TTC28: variants seen among roughly 807,000 people sequenced by gnomAD.
The protein encoded by TTC28 is tetratricopeptide repeat domain 28.
In TTC28, 61 loss-of-function variants were observed where a neutral mutation model predicts 198.0. The observed-to-expected ratio is 0.31, with a 90% CI of 0.25 to 0.38. The LOEUF (loss-of-function observed/expected upper bound fraction) is 0.38, where lower values mean the gene tolerates loss of function less well. Ranked by LOEUF, TTC28 falls within the 10% of genes least tolerant of loss-of-function variation. TTC28 has a pLI of 1.00. For missense variants in TTC28, 2,678 were observed against 3,164.0 expected (o/e 0.85, Z 3.69); for synonymous variants, 1,171 against 1,297.8 (o/e 0.90, Z 2.10).
At chr22:28,524,003 A>C (rs1384284151) in intron 2 of TTC28, among the ~76,000 whole-genome samples, 1 of 151,966 alleles carries the variant, frequency 6.6e-6, no homozygotes, top group Non-Finnish European at 1.5e-5. Flanking sequence ...CTTAAAACTT[A>C]CATGAAGGCA....
chr22:28,243,786 G>A (rs1198354599), intron 5 of TTC28, among the ~76,000 whole-genome samples: 28 of 152,256 alleles, frequency 1.8e-4, no homozygotes, highest in Non-Finnish European at 5.9e-5. Context: ...GGAAGGTGGG[G>A]AGAGGACATA....
At chr22:28,339,967 C>T (rs1326372239) in intron 2 of TTC28, among the ~76,000 whole-genome samples, 2 of 152,130 alleles carry the variant, frequency 1.3e-5, no homozygotes, top group East Asian at 1.9e-4. Flanking sequence ...AGAAATCACC[C>T]GTCTTCTGCG....
rs1247863107 is a variant in TTC28, at chr22:28,032,184, ATAT to A, written c.3933-1821_3933-1819del. Among the ~76,000 whole-genome samples, 292 of 74,318 alleles carry A rather than the reference ATAT, an allele frequency of 3.9e-3. 5 individuals carry two copies. The highest frequency in any genetic ancestry group is 5.7e-3 in the Non-Finnish European group (239 of 41,698). The allele number at this position is 74,318 out of a possible 152,430, so 48.8% of individuals were successfully genotyped here. A position where few individuals can be genotyped will look rare whatever the true frequency, so the allele number is the denominator to read the frequency against. On this transcript the variant is annotated intron_variant, in intron 12 of 22. Coordinates refer to ENST00000397906, the MANE Select transcript of TTC28 (RefSeq NM_001145418.2). ...TTAGTGTGTGTATATATATATATAT[ATAT>A]AAAATATATATATATAAAATATATA...
intron 8 of TTC28, among the ~76,000 whole-genome samples, chr22:28,101,801 AAAAAAAAAAAAG>A (rs1569139368): frequency 6.9e-6 from 1 of 145,038 alleles, no homozygotes; most frequent in Non-Finnish European, 1.6e-5. Flanking sequence ...AAAAAAAAAA[AAAAAAAAAAAAG>A]AATACTAACA....
chr22:28,325,160 A>G (rs1017818694), intron 2 of TTC28, among the ~76,000 whole-genome samples: 1 of 151,362 alleles, frequency 6.6e-6, no homozygotes, highest in Non-Finnish European at 1.5e-5. Context: ...AGAGCCTGTT[A>G]TTGGTGTATT....
intron 10 of TTC28, among the ~76,000 whole-genome samples, chr22:28,096,993 C>T (rs1369019244): frequency 1.3e-5 from 2 of 151,968 alleles, no homozygotes; most frequent in East Asian, 3.9e-4. Flanking sequence ...TTAGTAGAGA[C>T]GGGGTTTCGC....
At chr22:28,248,758 G>C (rs78780437) in intron 5 of TTC28, among the ~76,000 whole-genome samples, 12 of 152,188 alleles carry the variant, frequency 7.9e-5, no homozygotes, top group African/African-American at 2.4e-4. Flanking sequence ...TCAAGTCATC[G>C]TTTTTTGCAA....
intron 5 of TTC28, among the ~76,000 whole-genome samples, chr22:28,200,216 A>C (rs535632699): frequency 6.6e-6 from 1 of 152,228 alleles, no homozygotes; most frequent in Admixed American, 6.5e-5. Context: ...CAGCCTCCTA[A>C]GTAGCTGGGA....
chr22:28,362,315 C>T (rs1298915414), intron 2 of TTC28, among the ~76,000 whole-genome samples: 1 of 152,136 alleles, frequency 6.6e-6, no homozygotes. Flanking sequence ...TCTTTGCCTG[C>T]TGTCATCCGT....
At chr22:28,552,264 CATGG>C (rs1265566989) in intron 2 of TTC28, among the ~76,000 whole-genome samples, 2 of 152,170 alleles carry the variant, frequency 1.3e-5, no homozygotes, top group Non-Finnish European at 2.9e-5. Context: ...AACCCATGCT[CATGG>C]ATGAGTAGAA....
chr22:28,601,123 G>A (rs772469553), intron 2 of TTC28, among the ~76,000 whole-genome samples: 17 of 151,830 alleles, frequency 1.1e-4, no homozygotes, highest in African/African-American at 2.9e-4. Flanking sequence ...TATAATAAAC[G>A]TGTTTATTAT....
At chr22:28,629,394 G>T in intron 2 of TTC28, 158 bp downstream of exon 2, 1 of 667,800 alleles carries the variant, frequency 1.5e-6, no homozygotes, top group Non-Finnish European at 2.4e-6. Context: ...GAAGCTTTTC[G>T]CTAGTGTACC....
At position 28,163,298 on chromosome 22, in the gene TTC28, T is replaced by A. The variant is rs926859091; in HGVS notation, c.1235A>T (p.Lys412Met). 1.3e-6 allele frequency: 2 copies of A among 1,551,900 alleles called. No homozygotes were observed. Among genetic ancestry groups the A allele is most frequent in the African/African-American group, 2.7e-5 (2 of 73,054 alleles). ...GACATAGTTATGGTAAGACATGGCCTTGTCAAAGTTCCTCCGGTAGTGATA... is the reference window on the plus strand; with the variant it reads ...GACATAGTTATGGTAAGACATGGCCATGTCAAAGTTCCTCCGGTAGTGATA... ...SAYHYRRNFD[K>M]AMSYHNYVLE... Residue 412 changes from lysine (K) to methionine (M), a missense_variant, in exon 6 of 23, where the codon AAG becomes ATG. By Grantham distance (95) the Lys-to-Met change is moderately conservative (BLOSUM62 -1). Transcript: ENST00000397906.
At chr22:28,239,072 C>T (rs528541109) in intron 5 of TTC28, among the ~76,000 whole-genome samples, 39 of 152,228 alleles carry the variant, frequency 2.6e-4, no homozygotes, top group African/African-American at 8.7e-4. Flanking sequence ...CACAGTTCTG[C>T]GTGATTTGCT....
At chr22:27,989,748 G>C in intron 21 of TTC28, 130 bp downstream of exon 21, 1 of 1,243,442 alleles carries the variant, frequency 8.0e-7, no homozygotes, top group Non-Finnish European at 1.1e-6. Flanking sequence ...TACCCAGCCT[G>C]AGTTAACTGT....
chr22:28,113,131 C>A (rs530003446), intron 6 of TTC28, among the ~76,000 whole-genome samples: 1 of 152,236 alleles, frequency 6.6e-6, no homozygotes, highest in Admixed American at 6.5e-5. Context: ...GTGAGCTGCA[C>A]AAGCCAAGCA....
At chr22:28,470,166 C>A (rs141768790) in intron 2 of TTC28, among the ~76,000 whole-genome samples, 11 of 152,258 alleles carry the variant, frequency 7.2e-5, no homozygotes, top group African/African-American at 2.6e-4. Context: ...AAGAATAAAT[C>A]TAAATTGTTT....
chr22:28,259,723 G>A (rs1312184217), intron 5 of TTC28, among the ~76,000 whole-genome samples: 2 of 151,992 alleles, frequency 1.3e-5, no homozygotes, highest in Non-Finnish European at 2.9e-5. Flanking sequence ...ATGATGTTTA[G>A]AATCCACTAA....
chr22:28,418,790 C>T (rs749707350), intron 2 of TTC28, among the ~76,000 whole-genome samples: 13 of 152,208 alleles, frequency 8.5e-5, no homozygotes, highest in Non-Finnish European at 1.6e-4. Flanking sequence ...CACTTGAACA[C>T]TGAAATTTCA....
Sources: gnomAD v4.1 joint callset for allele counts (sites outside exome capture counted in the v4.1 genomes callset) on GRCh38, gnomAD v4.1.1 for gene constraint, MANE v1.5 for transcripts, NCBI Gene and HGNC (gene_info 2026-07-23, HGNC 2026-07-21) for gene names.